SSBP2: variants seen among roughly 807,000 people sequenced by gnomAD.
SSBP2 encodes single stranded DNA binding protein 2, also known as single-stranded DNA-binding protein 2.
In SSBP2, 17 loss-of-function variants were observed where a neutral mutation model predicts 61.8. The ratio of observed to expected loss-of-function variants is 0.28; its 90% confidence interval spans 0.19 to 0.41. The LOEUF is 0.41. Ranked by LOEUF, SSBP2 falls within the 10% of genes least tolerant of loss-of-function variation. The pLI, the probability that SSBP2 is intolerant of heterozygous loss-of-function variation, is 1.00. For missense variants in SSBP2, 310 were observed against 458.7 expected, an observed-to-expected ratio of 0.68 and a Z score of 2.96; for synonymous variants, 139 against 141.3, an observed-to-expected ratio of 0.98 and a Z score of 0.12.
intron 4 of SSBP2, among the ~76,000 whole-genome samples, chr5:81,591,659 A>G (rs1250111531): frequency 6.6e-6 from 1 of 152,184 alleles, no homozygotes; most frequent in Admixed American, 6.5e-5. Context: ...TCTTTGACAA[A>G]CTCATTAGTA....
rs549063997 is a variant in SSBP2 at position 81,432,844 on chromosome 5, G to A, written c.958-4161C>T. On this transcript the variant is annotated intron_variant, in intron 15 of 16. Transcript: ENST00000320672. ...CCCCGCCCGGCCAGCCGCCCCGTCC[G>A]GGAGGTGAGGGGCGCCTCTGCCTGG... Among the ~76,000 whole-genome samples the A allele has an allele frequency of 3.8e-4, 58 of 150,846 alleles. 1 individual carries two copies. In the South Asian group the frequency reaches 6.1e-3, roughly 16 times the overall value.
intron 16 of SSBP2, among the ~76,000 whole-genome samples, chr5:81,425,052 CTTAAAGATA>C (rs1308221473): frequency 1.3e-5 from 2 of 152,160 alleles, no homozygotes; most frequent in Non-Finnish European, 2.9e-5. Context: ...AAATGTAACC[CTTAAAGATA>C]TTATTTTAAA....
chr5:81,727,077 T>G (rs964856781), intron 1 of SSBP2, among the ~76,000 whole-genome samples: 1 of 152,144 alleles, frequency 6.6e-6, no homozygotes, highest in African/African-American at 2.4e-5. Context: ...AGCGGCAAAA[T>G]AGAGTGAAAA....
intron 4 of SSBP2, among the ~76,000 whole-genome samples, chr5:81,575,249 CAG>C (rs1249762080): frequency 6.6e-6 from 1 of 152,088 alleles, no homozygotes; most frequent in Non-Finnish European, 1.5e-5. Flanking sequence ...GCCTGGGTGA[CAG>C]AGCGAGACTT....
At chr5:81,441,052 A>G (rs1165844962) in intron 13 of SSBP2, among the ~76,000 whole-genome samples, 1 of 152,244 alleles carries the variant, frequency 6.6e-6, no homozygotes, top group Non-Finnish European at 1.5e-5. Context: ...TTATGACAAC[A>G]TTAACATTTT....
chr5:81,623,631 G>A lies in SSBP2; in HGVS notation c.198-8074C>T, dbSNP rs138740999. 4.8e-3 allele frequency among the ~76,000 whole-genome samples: 728 copies of A among 152,052 alleles called. 4 individuals are homozygous for A. The highest frequency in any genetic ancestry group is 0.016 in the African/African-American group (664 of 41,502). ...ATTACAGGCTTGAGCCACCGCGCCC[G>A]GTCCATTGTAGTACTTTTAAAAGAT... On this transcript the variant is annotated intron_variant, in intron 3 of 16. Coordinates refer to ENST00000320672, the MANE Select transcript of SSBP2 (RefSeq NM_012446.5).
intron 12 of SSBP2, among the ~76,000 whole-genome samples, chr5:81,443,440 A>G (rs1043138351): frequency 6.6e-6 from 1 of 152,194 alleles, no homozygotes; most frequent in Non-Finnish European, 1.5e-5. Context: ...ACATGTTTTT[A>G]TAATATAAAA....
chr5:81,569,394 T>A (rs1294821706), intron 4 of SSBP2, among the ~76,000 whole-genome samples: 2 of 151,868 alleles, frequency 1.3e-5, no homozygotes, highest in African/African-American at 2.4e-5. Context: ...GACTGGGGAG[T>A]GGGGAATTAA....
intron 1 of SSBP2, among the ~76,000 whole-genome samples, chr5:81,720,023 T>C (rs1755443437): frequency 6.6e-6 from 1 of 152,112 alleles, no homozygotes; most frequent in African/African-American, 2.4e-5. Context: ...TTGCTATCTC[T>C]GGGAATTATC....
At chr5:81,450,603 A>G (rs1360493151) in intron 10 of SSBP2, among the ~76,000 whole-genome samples, 3 of 152,182 alleles carry the variant, frequency 2.0e-5, no homozygotes, top group Non-Finnish European at 4.4e-5. Context: ...CTGAACAACT[A>G]ACTCCCTTGC....
intron 3 of SSBP2, among the ~76,000 whole-genome samples, chr5:81,633,571 A>G (rs945369581): frequency 6.6e-6 from 1 of 151,848 alleles, no homozygotes; most frequent in Non-Finnish European, 1.5e-5. Flanking sequence ...AGGTATCGCT[A>G]TGTTTCTCAG....
chr5:81,625,878 CCGA>C (rs1277111490), intron 3 of SSBP2, among the ~76,000 whole-genome samples: 1 of 152,104 alleles, frequency 6.6e-6, no homozygotes, highest in African/African-American at 2.4e-5. Context: ...CTAGGACTAC[CCGA>C]CAACAAAAAT....
chr5:81,662,728 G>A (rs988216157), intron 1 of SSBP2, among the ~76,000 whole-genome samples: 5 of 151,980 alleles, frequency 3.3e-5, no homozygotes, highest in African/African-American at 4.8e-5. Flanking sequence ...TTGAACCCTG[G>A]AGGCGGAGGT....
intron 1 of SSBP2, among the ~76,000 whole-genome samples, chr5:81,689,598 A>C (rs994277753): frequency 6.6e-6 from 1 of 152,084 alleles, no homozygotes; most frequent in Non-Finnish European, 1.5e-5. Context: ...CTAGAATAAT[A>C]TATCCAGCAA....
intron 4 of SSBP2, among the ~76,000 whole-genome samples, chr5:81,569,305 C>T (rs1343625875): frequency 2.0e-5 from 3 of 152,152 alleles, no homozygotes; most frequent in Non-Finnish European, 4.4e-5. Context: ...TGTGCTGACC[C>T]TTTACACCAT....
intron 1 of SSBP2, among the ~76,000 whole-genome samples, chr5:81,689,133 G>A (rs992595075): frequency 6.6e-6 from 1 of 151,682 alleles, no homozygotes; most frequent in East Asian, 1.9e-4. Flanking sequence ...TCAAGCAGAA[G>A]AACAAATTAG....
At chr5:81,658,152 T>C (rs192575359) in intron 1 of SSBP2, among the ~76,000 whole-genome samples, 62 of 152,316 alleles carry the variant, frequency 4.1e-4, no homozygotes, top group Middle Eastern at 3.4e-3. Flanking sequence ...CATTGTACAA[T>C]AGATCTCTTG....
intron 1 of SSBP2, among the ~76,000 whole-genome samples, chr5:81,685,930 T>C (rs981844038): frequency 2.0e-5 from 3 of 152,218 alleles, no homozygotes; most frequent in African/African-American, 7.2e-5. Flanking sequence ...ACCCCAAAAG[T>C]ACATTAACTG....
chr5:81,522,885 A>C (rs1769600954), intron 4 of SSBP2, among the ~76,000 whole-genome samples: 2 of 152,134 alleles, frequency 1.3e-5, no homozygotes, highest in South Asian at 4.1e-4. Context: ...AAGAATCCAC[A>C]GAATAGTATT....
Sources: gnomAD v4.1 joint callset for allele counts (sites outside exome capture counted in the v4.1 genomes callset) on GRCh38, gnomAD v4.1.1 for gene constraint, MANE v1.5 for transcripts, NCBI Gene and HGNC (gene_info 2026-07-23, HGNC 2026-07-21) for gene names.